TASP1: variants seen among roughly 807,000 people sequenced by gnomAD.
The protein encoded by TASP1 is taspase 1.
In TASP1, 16 loss-of-function variants were observed where a neutral mutation model predicts 56.6. The observed-to-expected ratio is 0.28, with a 90% CI of 0.19 to 0.43. The LOEUF (loss-of-function observed/expected upper bound fraction) is 0.43. Among genes scored for constraint, TASP1 ranks in the 20% least tolerant of loss-of-function variants. The probability of loss-of-function intolerance (pLI) is 1.00; values close to 1 mark genes in which losing one functional copy is unlikely to be tolerated. For synonymous variants in TASP1, 179 were observed against 184.2 expected, an observed-to-expected ratio of 0.97 and a Z score of 0.23; for missense variants, 393 against 511.6, an observed-to-expected ratio of 0.77 and a Z score of 2.24.
the TASP1 span, among the ~76,000 whole-genome samples, chr20:13,247,999 C>T: frequency 1.3e-5 from 2 of 152,256 alleles, no homozygotes; most frequent in Non-Finnish European, 1.5e-5. Context: ...ACTTGTTCAT[C>T]GTGTGTCAGT....
intron 2 of TASP1, among the ~76,000 whole-genome samples, chr20:13,627,220 C>A (rs191500432): frequency 1.6e-4 from 24 of 152,218 alleles, no homozygotes; most frequent in Non-Finnish European, 2.1e-4. Context: ...AAAGTTTGGG[C>A]AAGTCTACTC....
chr20:13,612,658 C>A (rs370824054), intron 4 of TASP1, among the ~76,000 whole-genome samples: 5 of 152,022 alleles, frequency 3.3e-5, no homozygotes, highest in Admixed American at 2.0e-4. Context: ...GATAACCAGC[C>A]CCCACATAGG....
the TASP1 span, among the ~76,000 whole-genome samples, chr20:13,218,903 A>C: frequency 3.9e-5 from 6 of 152,260 alleles, no homozygotes. Flanking sequence ...CATTTTATAA[A>C]GACATCTGTC....
the TASP1 span, among the ~76,000 whole-genome samples, chr20:13,171,332 G>T: frequency 8.8e-3 from 1,341 of 152,194 alleles, 20 homozygotes; most frequent in African/African-American, 0.031. Flanking sequence ...ATATAAAAAT[G>T]TGTTAATATT....
At chr20:13,458,534 T>C (rs997184245) in intron 11 of TASP1, among the ~76,000 whole-genome samples, 4 of 151,854 alleles carry the variant, frequency 2.6e-5, no homozygotes, top group Admixed American at 2.6e-4. Flanking sequence ...GAGATGGGGT[T>C]TTACCATGTT....
chr20:13,293,046 A>G, the TASP1 span, among the ~76,000 whole-genome samples: 4 of 151,834 alleles, frequency 2.6e-5, no homozygotes, highest in African/African-American at 9.7e-5. Flanking sequence ...AAAAATACAA[A>G]AAAATTAGCT....
the TASP1 span, among the ~76,000 whole-genome samples, chr20:13,237,213 G>A: frequency 6.6e-6 from 1 of 152,204 alleles, no homozygotes; most frequent in Non-Finnish European, 1.5e-5. Flanking sequence ...ATATCAACAT[G>A]CCCTTGGCCC....
downstream of TASP1, among the ~76,000 whole-genome samples, chr20:13,388,396 T>TAA (rs567771527): frequency 3.2e-3 from 481 of 149,546 alleles, 1 homozygote; most frequent in East Asian, 0.01. Flanking sequence ...CAATATTCCT[T>TAA]AAAAAAAAAA....
the TASP1 span, among the ~76,000 whole-genome samples, chr20:13,337,481 G>C: frequency 1.3e-5 from 2 of 152,086 alleles, no homozygotes; most frequent in African/African-American, 4.8e-5. Context: ...ACTGGATATG[G>C]TGACCTGACA....
chr20:13,354,316 G>A, the TASP1 span, among the ~76,000 whole-genome samples: 1 of 152,112 alleles, frequency 6.6e-6, no homozygotes, highest in Non-Finnish European at 1.5e-5. Flanking sequence ...ATTCCATGTT[G>A]AAGAACATGT....
At chr20:13,295,433 A>G in the TASP1 span, among the ~76,000 whole-genome samples, 1 of 152,156 alleles carries the variant, frequency 6.6e-6, no homozygotes, top group African/African-American at 2.4e-5. Context: ...ATGAAACTGA[A>G]CATGTCATGC....
the TASP1 span, among the ~76,000 whole-genome samples, chr20:13,365,610 C>A: frequency 5.8e-4 from 88 of 152,310 alleles, no homozygotes; most frequent in African/African-American, 2.0e-3. Flanking sequence ...CAGGAACAAA[C>A]TTGGTGTGTT....
At chr20:13,153,975 G>A in the TASP1 span, 2 of 1,610,548 alleles carry the variant, frequency 1.2e-6, no homozygotes, top group South Asian at 2.2e-5. Flanking sequence ...AGTGGGAATT[G>A]ATGGATTTCA....
chr20:13,609,500 A>G (rs535811544), intron 4 of TASP1, among the ~76,000 whole-genome samples: 11 of 152,234 alleles, frequency 7.2e-5, no homozygotes, highest in African/African-American at 2.6e-4. Flanking sequence ...CCTGGCCAAC[A>G]TGGTGAAACC....
the TASP1 span, among the ~76,000 whole-genome samples, chr20:13,317,024 ATTTT>A: frequency 6.6e-6 from 1 of 151,958 alleles, no homozygotes; most frequent in Admixed American, 6.6e-5. Flanking sequence ...GGATGACATG[ATTTT>A]CTATGTAAAA....
intron 12 of TASP1, among the ~76,000 whole-genome samples, chr20:13,426,045 G>C (rs2042607873): frequency 6.6e-6 from 1 of 152,138 alleles, no homozygotes; most frequent in African/African-American, 2.4e-5. Context: ...GTTTAGATTT[G>C]TTCAAGACTA....
chr20:13,408,951 T>A (rs946752203), intron 13 of TASP1, among the ~76,000 whole-genome samples: 1 of 152,004 alleles, frequency 6.6e-6, no homozygotes, highest in Admixed American at 6.6e-5. Context: ...TTTTTCTCCA[T>A]TTTAAAATTT....
At chr20:13,557,918 C>T (rs2046219614) in intron 8 of TASP1, among the ~76,000 whole-genome samples, 1 of 151,992 alleles carries the variant, frequency 6.6e-6, no homozygotes, top group Admixed American at 6.6e-5. Context: ...TTCATTCACC[C>T]ACACATCACA....
Position 13,626,213 on chromosome 20 carries a change from C to T in TASP1, c.146-961G>A, listed in dbSNP as rs181591767. 1.1e-4 allele frequency among the ~76,000 whole-genome samples: 17 copies of T among 152,178 alleles called. No individual in the cohort carries two copies. The East Asian group carries it at 2.1e-3, about 19-fold the overall frequency. On this transcript the variant is annotated intron_variant, in intron 2 of 13. Transcript: ENST00000337743. ...GCTGAGGCGGGAGGATCACTTGAGG[C>T]CAGGTGTTTGAGACCAGCCTGGCCA...
Sources: allele counts gnomAD v4.1 joint callset (sites outside exome capture counted in the v4.1 genomes callset), GRCh38; gene constraint gnomAD v4.1.1; transcripts MANE v1.5; gene names NCBI Gene and HGNC (gene_info 2026-07-23, HGNC 2026-07-21).